PREP: variants seen among roughly 807,000 people sequenced by gnomAD.
The protein encoded by PREP is prolyl endopeptidase.
Under a neutral mutation model 87.6 loss-of-function variants are expected in PREP, and 29 were observed. The observed-to-expected ratio is 0.33, with a 90% CI of 0.25 to 0.45. The LOEUF (loss-of-function observed/expected upper bound fraction) is 0.45, where lower values mean the gene tolerates loss of function less well. Among genes scored for constraint, PREP ranks in the 20% least tolerant of loss-of-function variants. PREP has a pLI of 1.00. For missense variants in PREP, 695 were observed against 886.5 expected (o/e 0.78, Z 2.74); for synonymous variants, 337 against 328.6 (o/e 1.03, Z -0.28).
intron 10 of PREP, chr6:105,322,835 G>C: frequency 8.7e-7 from 1 of 1,145,726 alleles, no homozygotes; most frequent in Non-Finnish European, 1.1e-6. Context: ...ACCATTTCTA[G>C]ACAATTGAAG....
At position 105,274,148 on chromosome 6, in the gene PREP, T is replaced by G. The variant is rs1034929167; in HGVS notation, c.*3996A>C. Among the ~76,000 whole-genome samples, 1 of 152,086 alleles carries G rather than the reference T, an allele frequency of 6.6e-6. No homozygotes were observed. Among genetic ancestry groups the G allele is most frequent in the African/African-American group, 2.4e-5 (1 of 41,410 alleles). On this transcript the variant is annotated 3_prime_UTR_variant, in exon 15 of 15. Transcript: ENST00000652536. ...TAAGAAAATACCATAAACTGGTGGG[T>G]TGTCAACAACAGAAATTGCTCTCTC...
intron 10 of PREP, among the ~76,000 whole-genome samples, chr6:105,311,680 A>G (rs532521966): frequency 1.3e-5 from 2 of 152,318 alleles, no homozygotes; most frequent in East Asian, 3.9e-4. Flanking sequence ...TCGCTGCTAC[A>G]TTCCCAGTGT....
intron 6 of PREP, among the ~76,000 whole-genome samples, chr6:105,364,507 C>T (rs1056170947): frequency 2.6e-4 from 39 of 152,026 alleles, no homozygotes; most frequent in Non-Finnish European, 7.4e-5. Flanking sequence ...GGGAGGTTGA[C>T]GACAGCAAGC....
intron 4 of PREP, 47 bp from the exon 5 acceptor site, chr6:105,373,625 C>A (rs992399130): frequency 3.9e-6 from 6 of 1,534,976 alleles, no homozygotes; most frequent in African/African-American, 1.4e-5. Flanking sequence ...CGGAACACAA[C>A]TCCACGGTCC....
intron 7 of PREP, among the ~76,000 whole-genome samples, chr6:105,343,402 T>C (rs1326834364): frequency 6.6e-6 from 1 of 152,186 alleles, no homozygotes; most frequent in East Asian, 1.9e-4. Context: ...ACTTAAATGT[T>C]AGACCAAAAA....
At chr6:105,365,579 T>C (rs1395076231) in intron 6 of PREP, among the ~76,000 whole-genome samples, 1 of 152,158 alleles carries the variant, frequency 6.6e-6, no homozygotes. Context: ...TACTCCTCCA[T>C]GTAGCAAGAT....
intron 7 of PREP, among the ~76,000 whole-genome samples, chr6:105,334,713 TCAACAA>T (rs573991003): frequency 1.3e-5 from 2 of 149,954 alleles, no homozygotes; most frequent in East Asian, 1.9e-4. Context: ...AGACTCTGTC[TCAACAA>T]CAACAACAAC....
intron 10 of PREP, among the ~76,000 whole-genome samples, chr6:105,301,443 T>C (rs1216896155): frequency 1.3e-5 from 2 of 152,172 alleles, no homozygotes; most frequent in Non-Finnish European, 2.9e-5. Flanking sequence ...AGTTACCCTG[T>C]AACATGAGCA....
rs140364949 is a variant in PREP, at chr6:105,292,684, A to G, written c.1318-3790T>C. Reference sequence around the variant, plus strand: ...GCCAGGCACTGACTTCTCTCTAGCTATGAAAGTCTGAGATGATATCTTCTC... The same window carrying G: ...GCCAGGCACTGACTTCTCTCTAGCTGTGAAAGTCTGAGATGATATCTTCTC... On this transcript the variant is annotated intron_variant, in intron 10 of 14. Transcript: ENST00000652536. 2.6e-3 allele frequency among the ~76,000 whole-genome samples: 393 copies of G among 152,330 alleles called. 3 individuals carry two copies. Among genetic ancestry groups the G allele is most frequent in the African/African-American group, 8.9e-3 (371 of 41,574 alleles).
Position 105,278,020 on chromosome 6 carries a change from T to C in PREP, c.*124A>G. 7.8e-7 allele frequency: 1 copy of C among 1,289,808 alleles called. No homozygotes were observed. The highest frequency in any genetic ancestry group is 1.4e-5 in the South Asian group (1 of 71,124). 79.9% of individuals were successfully genotyped at this position (1,289,808 alleles called of 1,614,324 possible). Reference sequence around the variant, plus strand: ...AATTCCCACGGCAGTTCTGTTCAACTGTAGCCTGTGAGTGCAGGAATAATG... The same window carrying C: ...AATTCCCACGGCAGTTCTGTTCAACCGTAGCCTGTGAGTGCAGGAATAATG... On this transcript the variant is annotated 3_prime_UTR_variant, in exon 15 of 15. Transcript: ENST00000652536. This position sits in a 1 kb window ranked among gnomAD's most constrained non-coding sequence, Gnocchi z 4.2.
At chr6:105,402,732 A>C in intron 1 of PREP, 115 bp downstream of exon 1, 2 of 918,852 alleles carry the variant, frequency 2.2e-6, no homozygotes, top group Non-Finnish European at 3.1e-6. Context: ...GCCGAGGGGG[A>C]GGGGAGGGAC....
At chr6:105,352,880 G>A (rs1329239029) in intron 7 of PREP, 92 bp downstream of exon 7, 21 of 1,104,218 alleles carry the variant, frequency 1.9e-5, no homozygotes, top group Non-Finnish European at 2.8e-5. Context: ...TAGAATGGAA[G>A]AGGGTCTTGG....
At chr6:105,397,396 G>T (rs991057650) in intron 2 of PREP, among the ~76,000 whole-genome samples, 1 of 151,988 alleles carries the variant, frequency 6.6e-6, no homozygotes, top group African/African-American at 2.4e-5. Flanking sequence ...CTTAGCTTTT[G>T]TTTCACTGTT....
intron 2 of PREP, among the ~76,000 whole-genome samples, chr6:105,392,370 C>A (rs1773175520): frequency 6.6e-6 from 1 of 152,134 alleles, no homozygotes; most frequent in South Asian, 2.1e-4. Flanking sequence ...AAACCTCCTT[C>A]TCTGGCCCTT....
chr6:105,347,708 A>C (rs1771834414), intron 7 of PREP, among the ~76,000 whole-genome samples: 1 of 152,110 alleles, frequency 6.6e-6, no homozygotes, highest in Non-Finnish European at 1.5e-5. Flanking sequence ...TATATAAGGC[A>C]ACTTTTTATA....
intron 2 of PREP, among the ~76,000 whole-genome samples, chr6:105,397,232 C>G (rs570859192): frequency 3.6e-4 from 54 of 150,844 alleles, no homozygotes; most frequent in Non-Finnish European, 6.3e-4. Context: ...CCTAGGCACT[C>G]CAAAAAGGGA....
At chr6:105,389,990 C>T (rs1186594042) in intron 2 of PREP, among the ~76,000 whole-genome samples, 1 of 152,170 alleles carries the variant, frequency 6.6e-6, no homozygotes, top group Non-Finnish European at 1.5e-5. Flanking sequence ...ACTTTGTTCT[C>T]CGCTGATCTC....
chr6:105,313,281 C>T (rs964775457), intron 10 of PREP, among the ~76,000 whole-genome samples: 5 of 152,126 alleles, frequency 3.3e-5, no homozygotes, highest in East Asian at 1.9e-4. Flanking sequence ...CATCACCCGT[C>T]GACCATCAGT....
chr6:105,389,912 A>G (rs1329609128), intron 2 of PREP, among the ~76,000 whole-genome samples: 1 of 152,198 alleles, frequency 6.6e-6, no homozygotes, highest in Non-Finnish European at 1.5e-5. Flanking sequence ...GCAAAGAAAC[A>G]AACAAACAAA....
Sources: allele counts gnomAD v4.1 joint callset (sites outside exome capture counted in the v4.1 genomes callset), GRCh38; gene constraint gnomAD v4.1.1; non-coding constraint Gnocchi (gnomAD v3.1); transcripts MANE v1.5; gene names NCBI Gene and HGNC (gene_info 2026-07-23, HGNC 2026-07-21).